The following NFIA variants were observed in gnomAD, a reference collection of about 807,000 sequenced individuals.
The protein encoded by NFIA is nuclear factor 1 A-type.
A neutral mutation model predicts 62.8 loss-of-function variants in NFIA; 8 were observed. That is an observed-to-expected ratio of 0.13 (90% CI 0.07 to 0.23). The LOEUF (loss-of-function observed/expected upper bound fraction) is 0.23, where lower values mean the gene tolerates loss of function less well. NFIA is among the 10% of genes least tolerant of loss of function. The pLI, the probability that NFIA is intolerant of heterozygous loss-of-function variation, is 1.00. For synonymous variants in NFIA, 235 were observed against 238.1 expected, an observed-to-expected ratio of 0.99 and a Z score of 0.12; for missense variants, 410 against 642.1, an observed-to-expected ratio of 0.64 and a Z score of 3.91.
intron 2 of NFIA, among the ~76,000 whole-genome samples, chr1:61,242,786 TA>T (rs1380794823): frequency 2.0e-5 from 3 of 152,148 alleles, no homozygotes; most frequent in African/African-American, 7.2e-5. Context: ...AAGTAGCTGT[TA>T]AAAAAGGCTG....
At chr1:61,184,621 T>G (rs960731326) in intron 2 of NFIA, among the ~76,000 whole-genome samples, 1 of 152,218 alleles carries the variant, frequency 6.6e-6, no homozygotes, top group African/African-American at 2.4e-5. Flanking sequence ...ACCGACACAC[T>G]CTAATTTTTT....
intron 2 of NFIA, among the ~76,000 whole-genome samples, chr1:61,098,648 G>A (rs1377235256): frequency 6.6e-6 from 1 of 152,060 alleles, no homozygotes. Flanking sequence ...TATGTGACAA[G>A]GACTTTTATT....
chr1:61,379,065 A>G (rs747740708), intron 6 of NFIA, among the ~76,000 whole-genome samples: 6 of 152,202 alleles, frequency 3.9e-5, no homozygotes, highest in Non-Finnish European at 5.9e-5. Context: ...GTCTTTTGCA[A>G]TATAACATAA....
intron 2 of NFIA, among the ~76,000 whole-genome samples, chr1:61,104,083 G>A (rs1446802269): frequency 1.3e-5 from 2 of 152,092 alleles, no homozygotes; most frequent in Admixed American, 6.6e-5. Context: ...TTTATCAAGT[G>A]CCTACTATGT....
intron 4 of NFIA, among the ~76,000 whole-genome samples, chr1:61,347,784 C>A (rs772252279): frequency 6.6e-6 from 1 of 152,266 alleles, no homozygotes; most frequent in South Asian, 2.1e-4. Context: ...CACTGTGTAT[C>A]TTTTTATCAT....
rs188421542 is a variant in NFIA, at chr1:61,088,072, A to C, written c.28-77A>C. 1 of 1,393,830 alleles carries C rather than the reference A, an allele frequency of 7.2e-7. No individual in the cohort carries two copies. Among genetic ancestry groups the C allele is most frequent in the East Asian group, 2.3e-5 (1 of 43,572 alleles). The allele number at this position is 1,393,830 out of a possible 1,614,324, so 86.3% of individuals were successfully genotyped here. ...AAGTGAAATGAGGAATTTCTTTCTT[A>C]AGGTGACCCGCTGAAGAAAAGTTGT... On this transcript the variant is annotated intron_variant, in intron 1 of 10. Transcript: ENST00000403491. The surrounding 1 kb of genome is among the most constrained non-coding windows in gnomAD (Gnocchi z 4.5).
chr1:61,271,709 C>G (rs1472399676), intron 2 of NFIA, among the ~76,000 whole-genome samples: 2 of 152,186 alleles, frequency 1.3e-5, no homozygotes, highest in Non-Finnish European at 2.9e-5. Context: ...CTAGGAGTTC[C>G]CCTGCACCCC....
At chr1:61,394,176 C>T (rs1665150357) in intron 7 of NFIA, among the ~76,000 whole-genome samples, 1 of 152,062 alleles carries the variant, frequency 6.6e-6, no homozygotes, top group Admixed American at 6.6e-5. Context: ...CTTTCTTACC[C>T]CCCTCTGCCC....
At chr1:61,194,617 TA>T (rs1651869528) in intron 2 of NFIA, among the ~76,000 whole-genome samples, 2 of 152,336 alleles carry the variant, frequency 1.3e-5, no homozygotes, top group Admixed American at 6.5e-5. Context: ...GTTATAGAGA[TA>T]AAGAATTGTA....
intron 2 of NFIA, among the ~76,000 whole-genome samples, chr1:61,091,332 C>T (rs935402423): frequency 6.6e-6 from 1 of 151,134 alleles, no homozygotes; most frequent in South Asian, 2.1e-4. Context: ...GAAGCAAATG[C>T]AGAATCAATC....
intron 6 of NFIA, among the ~76,000 whole-genome samples, chr1:61,366,519 T>C (rs955277775): frequency 6.6e-6 from 1 of 152,146 alleles, no homozygotes; most frequent in African/African-American, 2.4e-5. Context: ...TTAGTGAAAG[T>C]TTTGAAGTCA....
At chr1:61,432,061 G>A (rs928348070) in intron 10 of NFIA, among the ~76,000 whole-genome samples, 92 of 152,206 alleles carry the variant, frequency 6.0e-4, no homozygotes, top group African/African-American at 2.1e-3. Context: ...CAGTGTAATC[G>A]CAGTACTATA....
chr1:61,102,982 G>T (rs1265224354), intron 2 of NFIA, among the ~76,000 whole-genome samples: 5 of 152,128 alleles, frequency 3.3e-5, no homozygotes, highest in Admixed American at 6.5e-5. Flanking sequence ...ATCTGACAAG[G>T]CCCCTTTAAC....
In NFIA at chr1:61,252,885, A is replaced by G. The variant is rs115837575; in HGVS notation, c.560-24635A>G. On this transcript the variant is annotated intron_variant, in intron 2 of 10. Transcript: ENST00000403491. ...TACTGGATAAGGTAACTTCTATTCT[A>G]TTTTGTATTCCTACTCTTTACAGAG... is the stretch of plus-strand genomic sequence containing the variant. Among the ~76,000 whole-genome samples the G allele has an allele frequency of 4.4e-3, 673 of 152,252 alleles. 3 individuals carry two copies. The highest frequency in any genetic ancestry group is 7.3e-3 in the Non-Finnish European group (495 of 68,006).
At chr1:61,226,124 G>A (rs909498439) in intron 2 of NFIA, among the ~76,000 whole-genome samples, 9 of 152,198 alleles carry the variant, frequency 5.9e-5, no homozygotes, top group African/African-American at 2.2e-4. Context: ...TAGTATTTGT[G>A]TAATATTTAA....
At position 61,298,753 on chromosome 1, in the gene NFIA, C is replaced by T. The variant is rs182473511; in HGVS notation, c.625+21168C>T. 2.0e-5 allele frequency among the ~76,000 whole-genome samples: 3 copies of T among 152,168 alleles called. No homozygotes were observed. In the East Asian group the frequency reaches 5.8e-4, roughly 29 times the overall value. On this transcript the variant is annotated intron_variant, in intron 3 of 10. Coordinates refer to ENST00000403491, the MANE Select transcript of NFIA (RefSeq NM_001134673.4). ...TGCCTACAAGGTGTTTAGCAGGGTC[C>T]TCAGCATATAGCCAGTACTCAAAAA...
intron 7 of NFIA, among the ~76,000 whole-genome samples, chr1:61,391,080 A>G (rs982607498): frequency 1.3e-5 from 2 of 151,898 alleles, no homozygotes; most frequent in Non-Finnish European, 2.9e-5. Flanking sequence ...TTGTTTTGAG[A>G]CAGGGTCTCT....
At chr1:61,317,352 T>C (rs916860873) in intron 3 of NFIA, among the ~76,000 whole-genome samples, 2 of 152,128 alleles carry the variant, frequency 1.3e-5, no homozygotes, top group Non-Finnish European at 1.5e-5. Flanking sequence ...TATCCTTATG[T>C]CTAGAATAAT....
upstream of NFIA, among the ~76,000 whole-genome samples, chr1:61,078,927 C>A (rs1646063872): frequency 1.3e-5 from 2 of 152,234 alleles, no homozygotes; most frequent in Non-Finnish European, 2.9e-5. Flanking sequence ...CTGGCAGCCT[C>A]TGACTAAAAT....
Sources: allele counts gnomAD v4.1 joint callset (sites outside exome capture counted in the v4.1 genomes callset), GRCh38; gene constraint gnomAD v4.1.1; non-coding constraint Gnocchi (gnomAD v3.1); transcripts MANE v1.5; gene names NCBI Gene and HGNC (gene_info 2026-07-23, HGNC 2026-07-21).